Variants in OPRM1 observed in about 807,000 individuals in gnomAD.
The protein encoded by OPRM1 is opioid receptor mu 1.
OPRM1 carries 27 observed loss-of-function variants against 31.8 expected under a neutral mutation model. The ratio of observed to expected loss-of-function variants is 0.85; its 90% CI spans 0.63 to 1.17. The LOEUF is 1.17. Ranked by LOEUF, OPRM1 falls within the 50% of genes most tolerant of loss-of-function variation. The pLI is 0.00. For missense variants in OPRM1, 536 were observed against 511.1 expected (o/e 1.05, Z -0.47); for synonymous variants, 196 against 189.9 (o/e 1.03, Z -0.26).
chr6:154,030,828 T>G lies in OPRM1; in HGVS notation c.1-8333T>G, dbSNP rs73572457. ...GAAAAGAGGAAACATTCTATGAAGC[T>G]GAAAAGGATCGAGAGTGATAAACAC... On this transcript the variant is annotated intron_variant, in intron 1 of 5. Transcript: ENST00000434900. Among the ~76,000 whole-genome samples the G allele has an allele frequency of 4.2e-3, 638 of 152,270 alleles. 11 individuals are homozygous for G. The highest frequency in any genetic ancestry group is 0.015 in the African/African-American group (619 of 41,566).
chr6:154,214,134 T>C (rs189069455), intron 3 of OPRM1: 7 of 898,590 alleles, frequency 7.8e-6, no homozygotes, highest in Middle Eastern at 4.5e-4. Context: ...AGACTATACA[T>C]AGAACTTGAC....
At position 154,178,395 on chromosome 6, in the gene OPRM1, C is replaced by T. The variant is rs561533046; in HGVS notation, c.1165-68298C>T. 1.1e-4 allele frequency among the ~76,000 whole-genome samples: 17 copies of T among 152,056 alleles called. No individual in the cohort carries two copies. The South Asian group carries it at 3.3e-3, about 30-fold the overall frequency. On this transcript the variant is annotated intron_variant, in intron 3 of 3. Transcript: ENST00000337049. ...AGGATAACATGGCATATAATATATTCCCTACATGAAAAATAAATGGAACTT... is the reference window on the plus strand; with the variant it reads ...AGGATAACATGGCATATAATATATTTCCTACATGAAAAATAAATGGAACTT...
chr6:154,194,571 C>T (rs760400791), intron 3 of OPRM1, among the ~76,000 whole-genome samples: 1 of 152,190 alleles, frequency 6.6e-6, no homozygotes. Flanking sequence ...TCTAAGCTTA[C>T]GTACCTCCAA....
intron 3 of OPRM1, chr6:154,221,130 A>C: frequency 1.4e-6 from 1 of 702,196 alleles, no homozygotes; most frequent in South Asian, 2.2e-5. Flanking sequence ...ACTGCTAAAT[A>C]AATTAATCCT....
At chr6:154,138,666 G>T (rs779013686) in intron 3 of OPRM1, among the ~76,000 whole-genome samples, 2 of 152,200 alleles carry the variant, frequency 1.3e-5, no homozygotes, top group Non-Finnish European at 2.9e-5. Context: ...CTGGGCATAG[G>T]CTGAACCAAC....
chr6:154,245,613 C>T (rs574346171), intron 3 of OPRM1, among the ~76,000 whole-genome samples: 122 of 152,298 alleles, frequency 8.0e-4, no homozygotes, highest in African/African-American at 2.7e-3. Context: ...TGCATGCCCA[C>T]GTCATTTCAC....
At position 154,016,407 on chromosome 6, in the gene OPRM1, A is replaced by G. The variant is rs112023098; in HGVS notation, c.-1+5389A>G. 1.9e-3 allele frequency among the ~76,000 whole-genome samples: 294 copies of G among 152,266 alleles called. 1 individual carries two copies. The highest frequency in any genetic ancestry group is 0.014 in the Middle Eastern group (4 of 294). On this transcript the variant is annotated intron_variant, in intron 1 of 5. Transcript: ENST00000434900. ...GATAAAATTGTGTAGTGTGACAACA[A>G]TTACCTAAGGATAGAAGAGAATATA...
chr6:154,061,136 C>T (rs1784314454), intron 1 of OPRM1, among the ~76,000 whole-genome samples: 1 of 152,092 alleles, frequency 6.6e-6, no homozygotes, highest in South Asian at 2.1e-4. Flanking sequence ...CTTTGGGGCC[C>T]ACCCTAAATT....
chr6:154,185,778 A>AG (rs1012119167), intron 3 of OPRM1, among the ~76,000 whole-genome samples: 1 of 152,226 alleles, frequency 6.6e-6, no homozygotes, highest in African/African-American at 2.4e-5. Flanking sequence ...AAAGCTAAAA[A>AG]GAAAAAAATC....
rs192060536 is a variant in OPRM1, at chr6:154,128,514, C to T, written c.*9793C>T. ...ATCCTTGTGCCAGGATGTATGTTGC[C>T]CCATGAATGTGCACATGCATATTAA... On this transcript the variant is annotated 3_prime_UTR_variant, in exon 4 of 4. Coordinates refer to ENST00000330432, the MANE Select transcript of OPRM1 (RefSeq NM_000914.5). Among the ~76,000 whole-genome samples the T allele has an allele frequency of 1.3e-5, 2 of 152,270 alleles. No homozygotes were observed. The highest frequency in any genetic ancestry group is 2.9e-5 in the Non-Finnish European group (2 of 68,024).
rs1351136251 is a variant in OPRM1, at chr6:154,130,070, T to C, written c.*11349T>C. Among the ~76,000 whole-genome samples the C allele has an allele frequency of 8.3e-6, 1 of 119,838 alleles. No homozygotes were observed. Among genetic ancestry groups the C allele is most frequent in the Non-Finnish European group, 1.8e-5 (1 of 56,898 alleles). The allele number at this position is 119,838 out of a possible 152,430, so 78.6% of individuals were successfully genotyped here. On this transcript the variant is annotated 3_prime_UTR_variant, in exon 4 of 4. Transcript: ENST00000330432. ...AGTAAACTTAAAATGAAAATTAGAA[T>C]TTGCTTTCAATTATACTATCTCTAT...
chr6:154,166,488 C>T (rs1033317846), intron 3 of OPRM1, among the ~76,000 whole-genome samples: 1 of 152,242 alleles, frequency 6.6e-6, no homozygotes, highest in African/African-American at 2.4e-5. Context: ...CCTTGAATGT[C>T]CTTCCCTTGG....
At chr6:154,187,546 G>A (rs1562530290) in intron 3 of OPRM1, among the ~76,000 whole-genome samples, 1 of 152,132 alleles carries the variant, frequency 6.6e-6, no homozygotes, top group Admixed American at 6.5e-5. Flanking sequence ...GCATTAGGTG[G>A]GTGACCTGTA....
downstream of OPRM1, among the ~76,000 whole-genome samples, chr6:154,136,124 G>T (rs144712393): frequency 0.01 from 1,531 of 152,262 alleles, 34 homozygotes; most frequent in African/African-American, 0.034. Context: ...GGTGATCACA[G>T]GGAAATGGCT....
At chr6:154,182,098 G>A (rs1025391843) in intron 3 of OPRM1, among the ~76,000 whole-genome samples, 7 of 152,144 alleles carry the variant, frequency 4.6e-5, no homozygotes, top group Non-Finnish European at 1.0e-4. Flanking sequence ...GAAATTCCAT[G>A]AGAAACTGAA....
intron 3 of OPRM1, among the ~76,000 whole-genome samples, chr6:154,233,125 C>T (rs768566051): frequency 1.3e-5 from 2 of 152,026 alleles, no homozygotes; most frequent in South Asian, 2.1e-4. Context: ...TGTGCCGCCA[C>T]GCCCAGCTAA....
At chr6:154,099,885 CAT>C (rs898555476) in intron 3 of OPRM1, among the ~76,000 whole-genome samples, 17 of 142,390 alleles carry the variant, frequency 1.2e-4, no homozygotes, top group Non-Finnish European at 2.3e-4. Flanking sequence ...TATATCATAA[CAT>C]ATTATATATT....
At chr6:154,043,792 A>T (rs184719611) in intron 1 of OPRM1, among the ~76,000 whole-genome samples, 7 of 152,230 alleles carry the variant, frequency 4.6e-5, no homozygotes, top group Non-Finnish European at 7.4e-5. Context: ...ACTTAATTGC[A>T]TGCCTTTCAC....
At chr6:154,095,648 C>G (rs1263925616) in intron 3 of OPRM1, among the ~76,000 whole-genome samples, 1 of 152,116 alleles carries the variant, frequency 6.6e-6, no homozygotes, top group Non-Finnish European at 1.5e-5. Flanking sequence ...ATTCAGTGCC[C>G]TAAAGAGGTC....
Sources: allele counts gnomAD v4.1 joint callset (sites outside exome capture counted in the v4.1 genomes callset), GRCh38; gene constraint gnomAD v4.1.1; transcripts MANE v1.5; gene names NCBI Gene and HGNC (gene_info 2026-07-23, HGNC 2026-07-21).